Variants in KIRREL3 observed in about 807,000 individuals in gnomAD.
KIRREL3 encodes the protein kin of IRRE-like protein 3.
A neutral mutation model predicts 89.7 loss-of-function variants in KIRREL3; 36 were observed. The observed-to-expected ratio is 0.40, with a 90% CI of 0.31 to 0.53. The LOEUF is 0.53. Among genes scored for constraint, KIRREL3 ranks in the 20% least tolerant of loss-of-function variants. The pLI is 0.49. For synonymous variants in KIRREL3, 445 were observed against 441.4 expected, an observed-to-expected ratio of 1.01 and a Z score of -0.10; for missense variants, 864 against 1,056.6, an observed-to-expected ratio of 0.82 and a Z score of 2.53.
At chr11:126,542,103 C>T (rs186470899) in intron 2 of KIRREL3, among the ~76,000 whole-genome samples, 50 of 152,282 alleles carry the variant, frequency 3.3e-4, no homozygotes, top group African/African-American at 1.1e-3. Flanking sequence ...TGAAGGACCA[C>T]GTGGCTATAT....
Position 126,541,124 on chromosome 11 carries a change from G to A in KIRREL3, c.134-14437C>T, listed in dbSNP as rs1938334396. On this transcript the variant is annotated intron_variant, in intron 2 of 16. Coordinates refer to ENST00000525144, the MANE Select transcript of KIRREL3 (RefSeq NM_032531.4). The surrounding 1 kb of genome is among the most constrained non-coding windows in gnomAD (Gnocchi z 4.8). The stretch of plus-strand genomic sequence containing the variant: ...GTCAGCGTGGGCACCACCAGGAGAG[G>A]CTGGAGGCTAGGTCATGGATTGGCT... Among the ~76,000 whole-genome samples, 1 of 152,196 alleles carries A rather than the reference G, an allele frequency of 6.6e-6. No individual in the cohort carries two copies. Among genetic ancestry groups the A allele is most frequent in the South Asian group, 2.1e-4 (1 of 4,824 alleles).
At chr11:126,721,529 C>CAAA (rs11410774) in intron 1 of KIRREL3, among the ~76,000 whole-genome samples, 6 of 135,794 alleles carry the variant, frequency 4.4e-5, no homozygotes, top group Admixed American at 7.4e-5. Flanking sequence ...AACTCCGTCT[C>CAAA]AAAAAAAAAA....
At chr11:126,452,007 T>C (rs1591560726) in intron 7 of KIRREL3, among the ~76,000 whole-genome samples, 1 of 152,078 alleles carries the variant, frequency 6.6e-6, no homozygotes. Context: ...GAGCCTTTCC[T>C]GGCACCACAA....
rs147561597 is a variant in KIRREL3, at chr11:126,969,826, C to T, written c.55+30629G>A. 2.6e-5 allele frequency among the ~76,000 whole-genome samples: 4 copies of T among 152,264 alleles called. No homozygotes were observed. The highest frequency in any genetic ancestry group is 9.6e-5 in the African/African-American group (4 of 41,540). Reference sequence around the variant, plus strand: ...AAGGAAGGAAAAAGGTAGCAGACAGCCTTTCCCTTCTCTTCTCCTTTCTCT... The same window carrying T: ...AAGGAAGGAAAAAGGTAGCAGACAGTCTTTCCCTTCTCTTCTCCTTTCTCT... On this transcript the variant is annotated intron_variant, in intron 1 of 16. Coordinates refer to ENST00000525144, the MANE Select transcript of KIRREL3 (RefSeq NM_032531.4). This position sits in a 1 kb window ranked among gnomAD's most constrained non-coding sequence, Gnocchi z 4.9.
intron 6 of KIRREL3, among the ~76,000 whole-genome samples, chr11:126,458,525 C>A (rs534075003): frequency 1.3e-5 from 2 of 152,330 alleles, no homozygotes; most frequent in East Asian, 3.9e-4. Context: ...GAGGACCCTG[C>A]CTCCCTGCCT....
chr11:126,786,750 T>C (rs1313759872), intron 1 of KIRREL3, among the ~76,000 whole-genome samples: 1 of 152,204 alleles, frequency 6.6e-6, no homozygotes, highest in Non-Finnish European at 1.5e-5. Context: ...CCGGGCTCCT[T>C]GGGCTGAAAC....
At chr11:126,631,120 TATGTATTCATTCATTCATTC>T (rs770900868) in intron 1 of KIRREL3, among the ~76,000 whole-genome samples, 25 of 139,672 alleles carry the variant, frequency 1.8e-4, no homozygotes, top group African/African-American at 5.9e-4. Context: ...AGTCTGTATG[TATGTATTCATTCATTCATTC>T]ATTCATTCAT....
chr11:126,962,111 A>G (rs1376521378), intron 1 of KIRREL3, among the ~76,000 whole-genome samples: 2 of 152,228 alleles, frequency 1.3e-5, no homozygotes, highest in African/African-American at 4.8e-5. Flanking sequence ...TGCTAACACA[A>G]CACCCATTCT....
intron 4 of KIRREL3, among the ~76,000 whole-genome samples, chr11:126,507,562 T>C (rs1455099930): frequency 1.3e-5 from 2 of 152,202 alleles, no homozygotes; most frequent in East Asian, 3.8e-4. Flanking sequence ...ACAATATGGT[T>C]CGCGGAGGTA....
At chr11:126,529,271 T>C (rs1221410043) in intron 2 of KIRREL3, among the ~76,000 whole-genome samples, 1 of 152,082 alleles carries the variant, frequency 6.6e-6, no homozygotes, top group Non-Finnish European at 1.5e-5. Context: ...GAGGGGGCTA[T>C]CACCATGGAA....
At chr11:126,801,275 G>A (rs1318094608) in intron 1 of KIRREL3, among the ~76,000 whole-genome samples, 1 of 152,044 alleles carries the variant, frequency 6.6e-6, no homozygotes, top group Non-Finnish European at 1.5e-5. Context: ...GGGTCTTTGG[G>A]GACATCAGCC....
rs1957444203 is a variant in KIRREL3 at position 126,489,175 on chromosome 11, T to A, written c.434-15709A>T. Among the ~76,000 whole-genome samples the A allele has an allele frequency of 6.6e-6, 1 of 152,122 alleles. No individual in the cohort carries two copies. Among genetic ancestry groups the A allele is most frequent in the Non-Finnish European group, 1.5e-5 (1 of 68,018 alleles). ...GAGCAGGACGGAAGCTGTAGATGGA[T>A]GCGCTGCGTTTGCGGTGGAGAGCCG... On this transcript the variant is annotated intron_variant, in intron 4 of 16. Coordinates refer to ENST00000525144, the MANE Select transcript of KIRREL3 (RefSeq NM_032531.4). This position sits in a 1 kb window ranked among gnomAD's most constrained non-coding sequence, Gnocchi z 5.5.
intron 1 of KIRREL3, among the ~76,000 whole-genome samples, chr11:126,850,776 C>T (rs1048571031): frequency 2.0e-5 from 3 of 152,232 alleles, no homozygotes; most frequent in South Asian, 2.1e-4. Context: ...CTATGAGGGG[C>T]CTCAGCTGTG....
intron 1 of KIRREL3, among the ~76,000 whole-genome samples, chr11:126,910,144 C>G (rs1375195041): frequency 1.3e-5 from 2 of 152,140 alleles, no homozygotes; most frequent in African/African-American, 4.8e-5. Flanking sequence ...ACTATACACA[C>G]AGCTCAATCT....
intron 1 of KIRREL3, among the ~76,000 whole-genome samples, chr11:126,916,974 T>C (rs886895436): frequency 6.6e-6 from 1 of 152,220 alleles, no homozygotes; most frequent in Non-Finnish European, 1.5e-5. Flanking sequence ...TTGGTCACCC[T>C]ATACATGTAA....
intron 13 of KIRREL3, among the ~76,000 whole-genome samples, chr11:126,433,436 C>T (rs576818174): frequency 6.6e-6 from 1 of 152,292 alleles, no homozygotes; most frequent in African/African-American, 2.4e-5. Context: ...GAGCTGGCGC[C>T]CCTGGCTGGC....
intron 1 of KIRREL3, among the ~76,000 whole-genome samples, chr11:126,733,309 C>T (rs769812261): frequency 7.2e-5 from 11 of 152,138 alleles, no homozygotes; most frequent in Non-Finnish European, 2.9e-5. Flanking sequence ...TGGTCAAGAC[C>T]CCTCTCCGAA....
In KIRREL3 at chr11:126,594,725, C is replaced by T. The variant is rs949384383; in HGVS notation, c.56-31813G>A. Among the ~76,000 whole-genome samples the T allele has an allele frequency of 4.6e-5, 7 of 152,142 alleles. No homozygotes were observed. The East Asian group carries it at 5.8e-4, about 13-fold the overall frequency. ...CCTGGCCAACTCTCCTCTGTCCAGC[C>T]GCAGGTCCTCATAGAAAGGCAGAGA... On this transcript the variant is annotated intron_variant, in intron 1 of 16. Transcript: ENST00000525144. The surrounding 1 kb of genome is among the most constrained non-coding windows in gnomAD (Gnocchi z 5.0).
chr11:126,437,695 AAC>A (rs957798903), intron 11 of KIRREL3, among the ~76,000 whole-genome samples: 2 of 152,128 alleles, frequency 1.3e-5, no homozygotes, highest in Non-Finnish European at 2.9e-5. Context: ...ATCTACACGC[AAC>A]ACACAGCCAC....
Sources: gnomAD v4.1 joint callset for allele counts (sites outside exome capture counted in the v4.1 genomes callset) on GRCh38, gnomAD v4.1.1 for gene constraint, Gnocchi (gnomAD v3.1) non-coding constraint, MANE v1.5 for transcripts, NCBI Gene and HGNC (gene_info 2026-07-23, HGNC 2026-07-21) for gene names.